The following SNTG1 variants were observed in gnomAD, a reference collection of about 807,000 sequenced individuals.
SNTG1 encodes the protein syntrophin gamma 1, also known as gamma-1-syntrophin.
SNTG1 carries 39 observed loss-of-function variants against 74.7 expected under a neutral mutation model. The observed-to-expected ratio is 0.52, with a 90% CI of 0.40 to 0.68. The LOEUF is 0.68. Among genes scored for constraint, SNTG1 ranks in the 30% least tolerant of loss-of-function variants. The pLI, the probability that SNTG1 is intolerant of heterozygous loss-of-function variation, is 0.00. For missense variants in SNTG1, 685 were observed against 609.5 expected (o/e 1.12, Z -1.30); for synonymous variants, 254 against 217.1 (o/e 1.17, Z -1.49).
At chr8:50,409,562 G>A (rs1259976086) in intron 4 of SNTG1, among the ~76,000 whole-genome samples, 1 of 152,142 alleles carries the variant, frequency 6.6e-6, no homozygotes, top group East Asian at 1.9e-4. Context: ...AGATAGATGT[G>A]TTAAAGCTTC....
chr8:50,207,590 AT>A (rs1255493251), intron 2 of SNTG1, among the ~76,000 whole-genome samples: 1 of 151,580 alleles, frequency 6.6e-6, no homozygotes, highest in African/African-American at 2.4e-5. Flanking sequence ...GATCTTAGTT[AT>A]TTCTTGCCTT....
At chr8:50,277,940 T>A (rs182761924) in intron 2 of SNTG1, among the ~76,000 whole-genome samples, 1 of 152,238 alleles carries the variant, frequency 6.6e-6, no homozygotes, top group East Asian at 1.9e-4. Flanking sequence ...TTGGGAAGCC[T>A]AGGCAAGTGG....
chr8:50,570,522 G>A (rs939971707), intron 12 of SNTG1, among the ~76,000 whole-genome samples: 1 of 148,478 alleles, frequency 6.7e-6, no homozygotes, highest in African/African-American at 2.5e-5. Context: ...GCCTCCCAGC[G>A]TGCTGGGATT....
At chr8:50,673,387 C>T (rs2095294506) in intron 15 of SNTG1, among the ~76,000 whole-genome samples, 1 of 152,010 alleles carries the variant, frequency 6.6e-6, no homozygotes, top group South Asian at 2.1e-4. Context: ...TGATGAGGTC[C>T]TTCACATCCC....
At chr8:49,916,807 A>T (rs1806078690) in intron 1 of SNTG1, among the ~76,000 whole-genome samples, 1 of 151,934 alleles carries the variant, frequency 6.6e-6, no homozygotes, top group African/African-American at 2.4e-5. Flanking sequence ...GGAGTTCAAG[A>T]CCAGCCTGGG....
chr8:50,015,269 G>A (rs1173830157), intron 1 of SNTG1, among the ~76,000 whole-genome samples: 2 of 152,004 alleles, frequency 1.3e-5, no homozygotes, highest in Admixed American at 6.6e-5. Context: ...TCCACCAGAG[G>A]ATTTAAACAA....
At chr8:50,586,111 T>C (rs2094646514) in intron 12 of SNTG1, among the ~76,000 whole-genome samples, 1 of 152,072 alleles carries the variant, frequency 6.6e-6, no homozygotes, top group African/African-American at 2.4e-5. Context: ...TAGTCTAGAG[T>C]TGACAAGAAA....
chr8:50,014,572 G>A (rs981397842), intron 1 of SNTG1, among the ~76,000 whole-genome samples: 7 of 152,146 alleles, frequency 4.6e-5, no homozygotes, highest in East Asian at 3.9e-4. Context: ...CTGACCTTAC[G>A]GTCCTCCCTA....
chr8:50,113,967 TC>T (rs1182480392), intron 1 of SNTG1, among the ~76,000 whole-genome samples: 23 of 151,876 alleles, frequency 1.5e-4, no homozygotes, highest in African/African-American at 5.6e-4. Flanking sequence ...CATGGATGTC[TC>T]AACTTCACAT....
In SNTG1 at chr8:50,491,885, C is replaced by T. The variant is rs928338773; in HGVS notation, c.364-10893C>T. On this transcript the variant is annotated intron_variant, in intron 8 of 18. Coordinates refer to ENST00000642720, the MANE Select transcript of SNTG1 (RefSeq NM_018967.5). ...AATGCTATTCCTCCCCTAGCTCCCC[C>T]GCCCCCCTACCACCCGCAGGCCCCA... is the stretch of plus-strand genomic sequence containing the variant. Among the ~76,000 whole-genome samples the T allele has an allele frequency of 7.7e-5, 5 of 64,972 alleles. No homozygotes were observed. The South Asian group carries it at 2.1e-3, about 27-fold the overall frequency. 42.6% of individuals were successfully genotyped at this position (64,972 alleles called of 152,430 possible).
chr8:50,759,024 T>A (rs1200819455), intron 18 of SNTG1, among the ~76,000 whole-genome samples: 2 of 152,208 alleles, frequency 1.3e-5, no homozygotes, highest in African/African-American at 4.8e-5. Context: ...TGAGATGGTA[T>A]CTCATTGTGG....
intron 2 of SNTG1, among the ~76,000 whole-genome samples, chr8:50,377,064 T>G (rs1415717312): frequency 1.3e-5 from 2 of 152,032 alleles, no homozygotes; most frequent in Non-Finnish European, 2.9e-5. Flanking sequence ...TGAGTCAGCT[T>G]CATAAAATAA....
intron 4 of SNTG1, among the ~76,000 whole-genome samples, chr8:50,412,063 A>G (rs2092956498): frequency 6.6e-6 from 1 of 152,216 alleles, no homozygotes; most frequent in South Asian, 2.1e-4. Flanking sequence ...CCACAAGAAC[A>G]ATGGCACCCA....
chr8:50,493,235 A>G (rs2093874163), intron 8 of SNTG1, among the ~76,000 whole-genome samples: 1 of 152,206 alleles, frequency 6.6e-6, no homozygotes, highest in South Asian at 2.1e-4. Context: ...CCTTCTATGC[A>G]TATGATCCTT....
At chr8:50,162,930 G>A (rs2082475208) in intron 1 of SNTG1, among the ~76,000 whole-genome samples, 1 of 152,168 alleles carries the variant, frequency 6.6e-6, no homozygotes, top group Non-Finnish European at 1.5e-5. Flanking sequence ...AGGCACAGCC[G>A]AGATCACCAT....
intron 8 of SNTG1, among the ~76,000 whole-genome samples, chr8:50,462,095 A>G (rs2093568540): frequency 6.6e-6 from 1 of 152,182 alleles, no homozygotes; most frequent in South Asian, 2.1e-4. Flanking sequence ...TCATCACTAA[A>G]GAACTTACCC....
intron 1 of SNTG1, among the ~76,000 whole-genome samples, chr8:50,099,093 T>G (rs536124037): frequency 5.9e-5 from 9 of 152,056 alleles, no homozygotes; most frequent in Non-Finnish European, 1.2e-4. Context: ...AGTCAACCAT[T>G]AGGGATATGT....
At chr8:50,577,551 T>C (rs577876517) in intron 12 of SNTG1, among the ~76,000 whole-genome samples, 4 of 106,428 alleles carry the variant, frequency 3.8e-5, no homozygotes, top group South Asian at 6.1e-4. Flanking sequence ...TCCTTCTTTA[T>C]TTTTTGGAAA....
intron 13 of SNTG1, among the ~76,000 whole-genome samples, chr8:50,604,138 A>G (rs1254938099): frequency 6.6e-6 from 1 of 152,176 alleles, no homozygotes; most frequent in Non-Finnish European, 1.5e-5. Context: ...TTAGAAATCT[A>G]CTGGGTACAG....
Sources: allele counts gnomAD v4.1 joint callset (sites outside exome capture counted in the v4.1 genomes callset), GRCh38; gene constraint gnomAD v4.1.1; transcripts MANE v1.5; gene names NCBI Gene and HGNC (gene_info 2026-07-23, HGNC 2026-07-21).